The following PTPRD variants were observed in gnomAD, a reference collection of about 807,000 sequenced individuals.
PTPRD encodes the protein receptor-type tyrosine-protein phosphatase delta.
Under a neutral mutation model 214.5 loss-of-function variants are expected in PTPRD, and 34 were observed. That is an observed-to-expected ratio of 0.16 (90% confidence interval 0.12 to 0.21). The LOEUF is 0.21. PTPRD is among the 10% of genes least tolerant of loss of function. The pLI, the probability that PTPRD is intolerant of heterozygous loss-of-function variation, is 1.00. For synonymous variants in PTPRD, 1,128 were observed against 845.7 expected, an observed-to-expected ratio of 1.33 and a Z score of -5.79; for missense variants, 2,545 against 2,398.7, an observed-to-expected ratio of 1.06 and a Z score of -1.27.
intron 14 of PTPRD, among the ~76,000 whole-genome samples, chr9:8,543,514 C>A (rs539847002): frequency 6.6e-6 from 1 of 152,248 alleles, no homozygotes; most frequent in South Asian, 2.1e-4. Flanking sequence ...AGCCACTGAT[C>A]CCTAATATAA....
chr9:8,709,457 G>C (rs1247110350), intron 12 of PTPRD, among the ~76,000 whole-genome samples: 1 of 148,360 alleles, frequency 6.7e-6, no homozygotes, highest in Non-Finnish European at 1.5e-5. Context: ...AGAGCTTGCA[G>C]TGAGCCAAGA....
chr9:9,443,732 T>A (rs2089257767), intron 8 of PTPRD, among the ~76,000 whole-genome samples: 1 of 152,032 alleles, frequency 6.6e-6, no homozygotes, highest in South Asian at 2.1e-4. Flanking sequence ...TCTAGTCCAC[T>A]CCAGTTCCCA....
intron 2 of PTPRD, among the ~76,000 whole-genome samples, chr9:10,429,148 A>G (rs114995147): frequency 3.9e-5 from 6 of 152,010 alleles, no homozygotes; most frequent in Admixed American, 3.3e-4. Flanking sequence ...AATTTGTATC[A>G]ATAAAAATAA....
intron 9 of PTPRD, among the ~76,000 whole-genome samples, chr9:9,201,314 T>A (rs1225554354): frequency 2.0e-5 from 3 of 152,174 alleles, no homozygotes; most frequent in African/African-American, 7.2e-5. Flanking sequence ...GTGTTTGCAT[T>A]TTGGTGGCAA....
chr9:10,474,469 G>A (rs1406616323), intron 2 of PTPRD, among the ~76,000 whole-genome samples: 1 of 152,088 alleles, frequency 6.6e-6, no homozygotes, highest in African/African-American at 2.4e-5. Context: ...ACCCGCTACA[G>A]GAGCACCCAG....
At chr9:8,691,135 C>T (rs1024130890) in intron 12 of PTPRD, among the ~76,000 whole-genome samples, 5 of 152,074 alleles carry the variant, frequency 3.3e-5, no homozygotes, top group African/African-American at 1.2e-4. Context: ...AACTATTCCT[C>T]GTGGCCACAT....
At chr9:9,554,145 A>G (rs1356868468) in intron 8 of PTPRD, among the ~76,000 whole-genome samples, 1 of 152,048 alleles carries the variant, frequency 6.6e-6, no homozygotes, top group African/African-American at 2.4e-5. Context: ...CAAAAATATT[A>G]ATTGCAAACT....
chr9:9,333,381 A>G (rs1435518054), intron 9 of PTPRD, among the ~76,000 whole-genome samples: 2 of 151,216 alleles, frequency 1.3e-5, no homozygotes, highest in African/African-American at 4.9e-5. Flanking sequence ...GAGTAAAGAC[A>G]GAGAGAGTAT....
At chr9:8,874,248 T>G (rs2098352661) in intron 11 of PTPRD, among the ~76,000 whole-genome samples, 1 of 152,204 alleles carries the variant, frequency 6.6e-6, no homozygotes, top group Non-Finnish European at 1.5e-5. Flanking sequence ...CTGCCAAATA[T>G]GCACCCTTCA....
chr9:8,544,396 A>G (rs2079352812), intron 14 of PTPRD, among the ~76,000 whole-genome samples: 1 of 149,624 alleles, frequency 6.7e-6, no homozygotes, highest in African/African-American at 2.5e-5. Flanking sequence ...TTACTTTTCA[A>G]TGGTAAAACA....
At chr9:9,122,948 G>C (rs1591994268) in intron 10 of PTPRD, among the ~76,000 whole-genome samples, 1 of 152,258 alleles carries the variant, frequency 6.6e-6, no homozygotes, top group East Asian at 1.9e-4. Context: ...AAAAGAAATA[G>C]AGTTTGTGAC....
At chr9:10,527,777 G>A (rs1054420933) in intron 2 of PTPRD, among the ~76,000 whole-genome samples, 1 of 152,082 alleles carries the variant, frequency 6.6e-6, no homozygotes, top group Admixed American at 6.6e-5. Flanking sequence ...CATTATATCA[G>A]CAGATGGGAT....
At chr9:9,157,971 T>C (rs2099882746) in intron 10 of PTPRD, among the ~76,000 whole-genome samples, 1 of 152,162 alleles carries the variant, frequency 6.6e-6, no homozygotes, top group Admixed American at 6.5e-5. Context: ...ACATGTAGTG[T>C]TCGGTTTTCT....
At chr9:8,629,761 T>C (rs534149785) in intron 14 of PTPRD, among the ~76,000 whole-genome samples, 68 of 151,900 alleles carry the variant, frequency 4.5e-4, no homozygotes, top group African/African-American at 1.4e-3. Context: ...TAAAATGACT[T>C]GGAAGACATA....
At chr9:9,273,755 T>A (rs1943876489) in intron 9 of PTPRD, among the ~76,000 whole-genome samples, 1 of 151,268 alleles carries the variant, frequency 6.6e-6, no homozygotes, top group South Asian at 2.1e-4. Context: ...AGCTAATGAT[T>A]TGCACAGGTG....
chr9:9,633,731 A>G (rs1324449650), intron 7 of PTPRD, among the ~76,000 whole-genome samples: 1 of 152,210 alleles, frequency 6.6e-6, no homozygotes, highest in Non-Finnish European at 1.5e-5. Flanking sequence ...ATGAAGGTAG[A>G]ACAGGAGGAA....
intron 5 of PTPRD, among the ~76,000 whole-genome samples, chr9:9,896,086 GCTTTT>G: frequency 6.6e-6 from 1 of 151,882 alleles, no homozygotes; most frequent in Non-Finnish European, 1.5e-5. Flanking sequence ...ATTTTTTTCA[GCTTTT>G]ATTTTCTCTT....
intron 9 of PTPRD, among the ~76,000 whole-genome samples, chr9:9,346,444 C>A (rs980047583): frequency 6.6e-6 from 1 of 152,030 alleles, no homozygotes; most frequent in African/African-American, 2.4e-5. Flanking sequence ...AATTACAAAA[C>A]CACTAATGCA....
At chr9:8,761,593 T>C (rs1334106755) in intron 11 of PTPRD, among the ~76,000 whole-genome samples, 1 of 152,138 alleles carries the variant, frequency 6.6e-6, no homozygotes, top group Admixed American at 6.6e-5. Flanking sequence ...AGAACTAAAA[T>C]ACATCAAATG....
Sources: allele counts gnomAD v4.1 joint callset (sites outside exome capture counted in the v4.1 genomes callset), GRCh38; gene constraint gnomAD v4.1.1; transcripts MANE v1.5; gene names NCBI Gene and HGNC (gene_info 2026-07-23, HGNC 2026-07-21).